Variants in TPST1 observed in about 807,000 individuals in gnomAD.
TPST1 encodes tyrosylprotein sulfotransferase 1.
In TPST1, 20 loss-of-function variants were observed where a neutral mutation model predicts 34.8. That is an observed-to-expected ratio of 0.57 (90% CI 0.40 to 0.84). The LOEUF is 0.84. Among genes scored for constraint, TPST1 ranks in the 40% least tolerant of loss-of-function variants. The pLI, the probability that TPST1 is intolerant of heterozygous loss-of-function variation, is 0.00. For synonymous variants in TPST1, 152 were observed against 159.4 expected, an observed-to-expected ratio of 0.95 and a Z score of 0.35; for missense variants, 353 against 455.5, an observed-to-expected ratio of 0.78 and a Z score of 2.05.
intron 2 of TPST1, among the ~76,000 whole-genome samples, chr7:66,285,062 T>C (rs1233518582): frequency 6.6e-6 from 1 of 152,178 alleles, no homozygotes; most frequent in Non-Finnish European, 1.5e-5. Context: ...CCTTATTATC[T>C]TCAAGGTAAG....
At chr7:66,328,906 A>ATATATATTTTTTT in intron 3 of TPST1, among the ~76,000 whole-genome samples, 6 of 13,154 alleles carry the variant, frequency 4.6e-4, no homozygotes, top group Non-Finnish European at 5.8e-4. Flanking sequence ...ATATATATAT[A>ATATATATTTTTTT]TTTTTTTTTT....
chr7:66,254,801 T>A (rs1480683102), intron 2 of TPST1, among the ~76,000 whole-genome samples: 1 of 152,224 alleles, frequency 6.6e-6, no homozygotes, highest in Non-Finnish European at 1.5e-5. Flanking sequence ...CCTAATGTTT[T>A]GTGGTTTTGC....
At position 66,357,811 on chromosome 7, in the gene TPST1, C is replaced by T. The variant is rs201222492; in HGVS notation, c.*29+940C>T. Among the ~76,000 whole-genome samples, 962 of 152,330 alleles carry T rather than the reference C, an allele frequency of 6.3e-3. 4 individuals carry two copies. The highest frequency in any genetic ancestry group is 0.012 in the East Asian group (61 of 5,188). On this transcript the variant is annotated intron_variant, in intron 5 of 5. Coordinates refer to ENST00000304842, the MANE Select transcript of TPST1 (RefSeq NM_003596.4). ...TTCAAAAAATCTGATATTGGCTGGG[C>T]ATGGTGGCTCATGCCTGTAATCCCA...
intron 3 of TPST1, among the ~76,000 whole-genome samples, chr7:66,337,183 G>T (rs62468698): frequency 6.6e-6 from 1 of 151,720 alleles, no homozygotes; most frequent in Non-Finnish European, 1.5e-5. Flanking sequence ...AAACTCACCG[G>T]CAAAAGAAAG....
At chr7:66,341,378 A>G (rs942759237) in intron 3 of TPST1, among the ~76,000 whole-genome samples, 1 of 152,140 alleles carries the variant, frequency 6.6e-6, no homozygotes, top group Non-Finnish European at 1.5e-5. Flanking sequence ...TCCTGGGTTC[A>G]AGCAATTCTC....
chr7:66,357,848 G>A (rs1425372396), intron 5 of TPST1, among the ~76,000 whole-genome samples: 1 of 152,208 alleles, frequency 6.6e-6, no homozygotes, highest in African/African-American at 2.4e-5. Flanking sequence ...CACTTTGGGA[G>A]GCCAAGGTGG....
At chr7:66,321,435 C>T (rs547792794) in intron 3 of TPST1, among the ~76,000 whole-genome samples, 1 of 152,348 alleles carries the variant, frequency 6.6e-6, no homozygotes, top group South Asian at 2.1e-4. Flanking sequence ...TTAGCATAAA[C>T]TATCTGGTTA....
intron 2 of TPST1, among the ~76,000 whole-genome samples, chr7:66,247,908 C>G (rs1790184188): frequency 1.3e-5 from 2 of 152,206 alleles, no homozygotes; most frequent in African/African-American, 4.8e-5. Flanking sequence ...CCTATGGACC[C>G]TACCCTCTTG....
chr7:66,324,038 A>T (rs1293624956), intron 3 of TPST1, among the ~76,000 whole-genome samples: 4 of 152,240 alleles, frequency 2.6e-5, no homozygotes, highest in Non-Finnish European at 5.9e-5. Context: ...GTAAAGATGG[A>T]TCAATAGATC....
At position 66,276,498 on chromosome 7, in the gene TPST1, C is replaced by T. The variant is rs185675958; in HGVS notation, c.846-10013C>T. Among the ~76,000 whole-genome samples the T allele has an allele frequency of 6.0e-4, 91 of 150,966 alleles. 1 individual carries two copies. Among genetic ancestry groups the T allele is most frequent in the Non-Finnish European group, 4.4e-5 (3 of 67,796 alleles). ...AAGTGATTCTCCTGCGTCAGCCTCT[C>T]AAGTAGCTGCGAGTACAGGCATGTG... On this transcript the variant is annotated intron_variant, in intron 2 of 5. Coordinates refer to ENST00000304842, the MANE Select transcript of TPST1 (RefSeq NM_003596.4).
chr7:66,313,898 T>C (rs1164469030), intron 3 of TPST1, among the ~76,000 whole-genome samples: 1 of 152,160 alleles, frequency 6.6e-6, no homozygotes, highest in Non-Finnish European at 1.5e-5. Context: ...TAAGATCACA[T>C]CATATATATA....
intron 2 of TPST1, among the ~76,000 whole-genome samples, chr7:66,246,637 C>T (rs1790155666): frequency 6.6e-6 from 1 of 152,076 alleles, no homozygotes; most frequent in Non-Finnish European, 1.5e-5. Context: ...AGTAGAGATC[C>T]AAAATAACAA....
chr7:66,347,069 T>C (rs1290232450), intron 3 of TPST1, among the ~76,000 whole-genome samples: 62 of 114,966 alleles, frequency 5.4e-4, no homozygotes, highest in African/African-American at 2.0e-3. Flanking sequence ...CTTTTTTTTT[T>C]TTTTTTTTTT....
At chr7:66,244,912 G>T (rs1394421944) in intron 2 of TPST1, among the ~76,000 whole-genome samples, 2 of 152,116 alleles carry the variant, frequency 1.3e-5, no homozygotes, top group Admixed American at 1.3e-4. Flanking sequence ...GAATGAAAAA[G>T]ATAATAGTAG....
intron 4 of TPST1, among the ~76,000 whole-genome samples, chr7:66,356,263 G>A (rs1487857110): frequency 6.6e-6 from 1 of 152,202 alleles, no homozygotes; most frequent in Non-Finnish European, 1.5e-5. Flanking sequence ...TAAGATAGAA[G>A]TGGGCCCAGG....
intron 3 of TPST1, among the ~76,000 whole-genome samples, chr7:66,305,363 T>C (rs1018808607): frequency 1.3e-5 from 2 of 152,274 alleles, no homozygotes; most frequent in Middle Eastern, 3.4e-3. Flanking sequence ...GTTCTTTGCC[T>C]GGTGGGGTGG....
intron 3 of TPST1, among the ~76,000 whole-genome samples, chr7:66,319,418 A>G (rs1183386923): frequency 1.3e-5 from 2 of 152,252 alleles, no homozygotes; most frequent in Admixed American, 1.3e-4. Flanking sequence ...CTTTAAAAAA[A>G]TACTCTTTTG....
intron 3 of TPST1, among the ~76,000 whole-genome samples, chr7:66,293,726 C>T (rs1791136273): frequency 1.3e-5 from 2 of 152,144 alleles, no homozygotes; most frequent in African/African-American, 4.8e-5. Flanking sequence ...TGATTTCTTT[C>T]TTTCTGTAAA....
intron 1 of TPST1, among the ~76,000 whole-genome samples, chr7:66,233,890 G>GTC (rs1222120283): frequency 2.6e-5 from 4 of 151,580 alleles, no homozygotes; most frequent in Non-Finnish European, 5.9e-5. Context: ...AGACAAGAGT[G>GTC]TCTCTCTCTC....
Sources: allele counts gnomAD v4.1 joint callset (sites outside exome capture counted in the v4.1 genomes callset), GRCh38; gene constraint gnomAD v4.1.1; transcripts MANE v1.5; gene names NCBI Gene and HGNC (gene_info 2026-07-23, HGNC 2026-07-21).